ATP10B: variants seen among roughly 807,000 people sequenced by gnomAD.
ATP10B encodes the protein phospholipid-transporting ATPase VB.
In ATP10B, 122 loss-of-function variants were observed where a neutral mutation model predicts 141.2. That is an observed-to-expected ratio of 0.86 (90% CI 0.75 to 1.00). The LOEUF (loss-of-function observed/expected upper bound fraction) is 1.00, where lower values mean the gene tolerates loss of function less well. Ranked by LOEUF, ATP10B falls within the 50% of genes least tolerant of loss-of-function variation. The pLI is 0.00. For synonymous variants in ATP10B, 685 were observed against 692.0 expected, an observed-to-expected ratio of 0.99 and a Z score of 0.16; for missense variants, 1,876 against 1,825.3, an observed-to-expected ratio of 1.03 and a Z score of -0.51.
intron 2 of ATP10B, among the ~76,000 whole-genome samples, chr5:160,771,444 G>T (rs534873963): frequency 3.3e-5 from 5 of 152,238 alleles, no homozygotes; most frequent in Non-Finnish European, 5.9e-5. Flanking sequence ...AATCTTTAAA[G>T]AATTACTTCA....
At chr5:160,684,473 C>T (rs1244196392) in intron 6 of ATP10B, among the ~76,000 whole-genome samples, 2 of 152,214 alleles carry the variant, frequency 1.3e-5, no homozygotes, top group Non-Finnish European at 2.9e-5. Flanking sequence ...TACTCCATTG[C>T]TCCCCCAAAT....
At chr5:160,822,960 AGGGTGAC>A (rs1309905713) in intron 1 of ATP10B, among the ~76,000 whole-genome samples, 6 of 136,590 alleles carry the variant, frequency 4.4e-5, no homozygotes, top group Admixed American at 1.5e-4. Context: ...TTAACACAAA[AGGGTGAC>A]TATAGTAAAA....
chr5:160,770,996 T>C (rs990567058), intron 2 of ATP10B, among the ~76,000 whole-genome samples: 11 of 152,196 alleles, frequency 7.2e-5, no homozygotes, highest in Non-Finnish European at 1.5e-4. Flanking sequence ...CCCTCAAAAG[T>C]GACTGAGGCT....
the ATP10B span, among the ~76,000 whole-genome samples, chr5:160,913,572 A>T: frequency 3.3e-5 from 5 of 151,944 alleles, no homozygotes; most frequent in Non-Finnish European, 7.4e-5. Flanking sequence ...CTTGGCCCAA[A>T]TCTCCCATCC....
At chr5:160,866,327 T>C in the ATP10B span, among the ~76,000 whole-genome samples, 4 of 151,152 alleles carry the variant, frequency 2.6e-5, no homozygotes, top group Non-Finnish European at 5.9e-5. Flanking sequence ...TAAAATATTG[T>C]ATGTTCTCAC....
At chr5:160,830,152 G>C (rs796844868) in intron 1 of ATP10B, among the ~76,000 whole-genome samples, 3 of 152,120 alleles carry the variant, frequency 2.0e-5, no homozygotes, top group African/African-American at 7.2e-5. Flanking sequence ...TATCATGAAG[G>C]GATGTTGGAT....
At chr5:160,696,391 G>A (rs905552109) in intron 3 of ATP10B, among the ~76,000 whole-genome samples, 2 of 152,060 alleles carry the variant, frequency 1.3e-5, no homozygotes, top group African/African-American at 2.4e-5. Flanking sequence ...TTACAGGCAT[G>A]AGCCACCATG....
At chr5:160,693,462 A>G (rs1031241202) in intron 3 of ATP10B, among the ~76,000 whole-genome samples, 7 of 149,752 alleles carry the variant, frequency 4.7e-5, no homozygotes, top group African/African-American at 1.2e-4. Context: ...ACACAGTGGT[A>G]TAGTCAGGGA....
intron 18 of ATP10B, 150 bp downstream of exon 18, chr5:160,612,591 G>A: frequency 1.7e-6 from 1 of 586,802 alleles, no homozygotes; most frequent in Non-Finnish European, 2.9e-6. Flanking sequence ...TGACTTCCAG[G>A]GTCCTCTAGA....
intron 6 of ATP10B, among the ~76,000 whole-genome samples, chr5:160,672,385 A>T (rs888672843): frequency 3.9e-5 from 6 of 152,102 alleles, no homozygotes; most frequent in African/African-American, 1.4e-4. Flanking sequence ...ACCTTCTACC[A>T]TTCTTTAAAT....
At chr5:160,665,399 A>T (rs1762263115) in intron 7 of ATP10B, among the ~76,000 whole-genome samples, 2 of 152,252 alleles carry the variant, frequency 1.3e-5, no homozygotes, top group Admixed American at 1.3e-4. Context: ...ATTCAGGCTA[A>T]TATTTTCTGA....
chr5:160,831,924 G>A (rs910914781), intron 1 of ATP10B, among the ~76,000 whole-genome samples: 14 of 152,102 alleles, frequency 9.2e-5, no homozygotes, highest in East Asian at 1.9e-4. Context: ...CTCTAAAAAC[G>A]AAAGTAGGTG....
intron 2 of ATP10B, among the ~76,000 whole-genome samples, chr5:160,728,214 T>G (rs1437579897): frequency 6.6e-6 from 1 of 152,138 alleles, no homozygotes; most frequent in Non-Finnish European, 1.5e-5. Flanking sequence ...CCGTCTCTTC[T>G]TCTTGGATGC....
At chr5:160,833,727 T>C (rs1406430460) in intron 1 of ATP10B, among the ~76,000 whole-genome samples, 1 of 152,160 alleles carries the variant, frequency 6.6e-6, no homozygotes, top group Non-Finnish European at 1.5e-5. Flanking sequence ...GAAATTTAGC[T>C]GAGAAATGAA....
chr5:160,731,294 A>G (rs1766726001), intron 2 of ATP10B, among the ~76,000 whole-genome samples: 1 of 152,184 alleles, frequency 6.6e-6, no homozygotes, highest in Non-Finnish European at 1.5e-5. Flanking sequence ...TCCTGACCCA[A>G]TCTTCTGTCA....
intron 3 of ATP10B, among the ~76,000 whole-genome samples, chr5:160,698,388 G>T (rs570087019): frequency 1.3e-5 from 2 of 151,790 alleles, no homozygotes; most frequent in African/African-American, 4.8e-5. Flanking sequence ...TTTAAGTGTC[G>T]CAGATACTGT....
At chr5:160,877,575 G>A in the ATP10B span, among the ~76,000 whole-genome samples, 1 of 150,234 alleles carries the variant, frequency 6.7e-6, no homozygotes, top group African/African-American at 2.4e-5. Context: ...TATTCAATTA[G>A]GAAAAGAGGA....
At chr5:160,610,928 C>A (rs1051097851) in intron 18 of ATP10B, among the ~76,000 whole-genome samples, 1 of 152,008 alleles carries the variant, frequency 6.6e-6, no homozygotes, top group African/African-American at 2.4e-5. Flanking sequence ...ATACACCTAG[C>A]AAAGAGATAA....
At chr5:160,769,468 G>T (rs1769718245) in intron 2 of ATP10B, among the ~76,000 whole-genome samples, 1 of 152,126 alleles carries the variant, frequency 6.6e-6, no homozygotes, top group African/African-American at 2.4e-5. Context: ...CGCCACATAG[G>T]CTGGGCGCCT....
Sources: allele counts gnomAD v4.1 joint callset (sites outside exome capture counted in the v4.1 genomes callset), GRCh38; gene constraint gnomAD v4.1.1; transcripts MANE v1.5; gene names NCBI Gene and HGNC (gene_info 2026-07-23, HGNC 2026-07-21).